RASSF5: variants seen among roughly 807,000 people sequenced by gnomAD.
RASSF5 encodes the protein Ras association domain family member 5.
Under a neutral mutation model 40.5 loss-of-function variants are expected in RASSF5, and 25 were observed. The observed-to-expected ratio is 0.62, with a 90% CI of 0.45 to 0.86. The LOEUF (loss-of-function observed/expected upper bound fraction) is 0.86. Ranked by LOEUF, RASSF5 falls within the 40% of genes least tolerant of loss-of-function variation. The pLI, the probability that RASSF5 is intolerant of heterozygous loss-of-function variation, is 0.00. For synonymous variants in RASSF5, 246 were observed against 252.4 expected (o/e 0.97, Z 0.24); for missense variants, 521 against 572.8 (o/e 0.91, Z 0.92).
chr1:206,553,233 A>T (rs188700146), intron 2 of RASSF5, among the ~76,000 whole-genome samples: 3 of 152,274 alleles, frequency 2.0e-5, no homozygotes, highest in Non-Finnish European at 4.4e-5. Context: ...GGGCTCAGTA[A>T]ATATTTGCTA....
At chr1:206,509,657 C>T (rs1553394357) in intron 1 of RASSF5, among the ~76,000 whole-genome samples, 1 of 151,874 alleles carries the variant, frequency 6.6e-6, no homozygotes, top group Non-Finnish European at 1.5e-5. Flanking sequence ...CGTTGGCATT[C>T]TAGTTTGTAG....
In RASSF5 at chr1:206,531,066, C is replaced by G. The variant is rs1167114259; in HGVS notation, c.458-7106C>G. On this transcript the variant is annotated intron_variant, in intron 1 of 5. Coordinates refer to ENST00000579436, the MANE Select transcript of RASSF5 (RefSeq NM_182663.4). This position sits in a 1 kb window ranked among gnomAD's most constrained non-coding sequence, Gnocchi z 4.7. ...TGTGTTGTTATTTACATAACATTCT[C>G]ATTTGATTCTCAACAACCGTACTGC... 1.3e-5 allele frequency among the ~76,000 whole-genome samples: 2 copies of G among 152,240 alleles called. No homozygotes were observed. The highest frequency in any genetic ancestry group is 2.9e-5 in the Non-Finnish European group (2 of 68,048).
chr1:206,545,657 T>A (rs1169734741), intron 2 of RASSF5, among the ~76,000 whole-genome samples: 1 of 152,212 alleles, frequency 6.6e-6, no homozygotes, highest in Non-Finnish European at 1.5e-5. Flanking sequence ...TCTGCTTAGT[T>A]AATTGACCTG....
rs1669066676 is a variant in RASSF5, at chr1:206,585,295, G to A, written c.1104G>A (p.Glu368=). The change falls in exon 5 of 6, where the codon GAG becomes GAA. Residue 368 remains glutamate, a splice_region_variant and synonymous_variant. Coordinates refer to ENST00000579436, the MANE Select transcript of RASSF5 (RefSeq NM_182663.4). ...AGGAGAATGAAACTGGAGAGGTAGA[G>A]GTAGGTCTGGACCCATTGTGCAAAC... is the stretch of plus-strand genomic sequence containing the variant. ...VLKENETGEV[E]WDAFSIPELQ... is the part of the protein sequence containing the mutation. 6.2e-7 allele frequency: 1 copy of A among 1,612,758 alleles called. No homozygotes were observed. Among genetic ancestry groups the A allele is most frequent in the Non-Finnish European group, 8.5e-7 (1 of 1,178,730 alleles).
At chr1:206,557,278 G>A (rs191830557) in intron 2 of RASSF5, 1 of 1,188,136 alleles carries the variant, frequency 8.4e-7, no homozygotes, top group East Asian at 4.3e-5. Flanking sequence ...AAACCGCAGA[G>A]CCCGGACGAG....
intron 1 of RASSF5, among the ~76,000 whole-genome samples, chr1:206,520,427 C>A (rs1031850466): frequency 7.2e-5 from 11 of 151,936 alleles, no homozygotes; most frequent in Admixed American, 5.2e-4. Flanking sequence ...GCTAACATGG[C>A]GAAACCCCGT....
At chr1:206,565,185 C>G (rs1338872988) in intron 2 of RASSF5, among the ~76,000 whole-genome samples, 2 of 152,174 alleles carry the variant, frequency 1.3e-5, no homozygotes, top group African/African-American at 4.8e-5. Context: ...TCTATTCACC[C>G]CATCTGTCCC....
chr1:206,574,578 T>C (rs1288936182), intron 2 of RASSF5, among the ~76,000 whole-genome samples: 6 of 152,188 alleles, frequency 3.9e-5, no homozygotes, highest in South Asian at 4.1e-4. Context: ...AAATTCCACA[T>C]GGAGCAGAAG....
In RASSF5 at chr1:206,525,964, G is replaced by T. The variant is rs573991312; in HGVS notation, c.458-12208G>T. ...TTTCCTGTGCCTCAGTTCAGCAGAG[G>T]CTCCCAGCTTCACCCCACCTGTCCA... On this transcript the variant is annotated intron_variant, in intron 1 of 5. Transcript: ENST00000579436. Among the ~76,000 whole-genome samples the T allele has an allele frequency of 7.2e-5, 11 of 152,188 alleles. No homozygotes were observed. In the East Asian group the frequency reaches 2.1e-3, roughly 29 times the overall value.
chr1:206,550,189 C>T (rs781909669), intron 2 of RASSF5, among the ~76,000 whole-genome samples: 1 of 152,096 alleles, frequency 6.6e-6, no homozygotes, highest in Non-Finnish European at 1.5e-5. Flanking sequence ...TTCCTCATTA[C>T]CTGATAGCCA....
At chr1:206,583,961 T>C (rs1026889522) in intron 3 of RASSF5, among the ~76,000 whole-genome samples, 2 of 152,158 alleles carry the variant, frequency 1.3e-5, no homozygotes, top group Non-Finnish European at 2.9e-5. Flanking sequence ...GGCTGTTTCT[T>C]AGTAAAGAGA....
chr1:206,588,178 C>G lies in RASSF5; in HGVS notation c.*1200C>G, dbSNP rs1669203291. The G allele has an allele frequency of 6.5e-6, 1 of 152,880 alleles. No individual in the cohort carries two copies. Among genetic ancestry groups the G allele is most frequent in the African/African-American group, 2.4e-5 (1 of 41,472 alleles). 9.5% of individuals were successfully genotyped at this position (152,880 alleles called of 1,614,324 possible). On this transcript the variant is annotated 3_prime_UTR_variant, in exon 6 of 6. Transcript: ENST00000579436. ...AGGAGTAGGGCGAGTTTGCCTGAAG[C>G]TCTGCTGCTGGCTTCTCCTGCCAGG...
chr1:206,531,921 G>A lies in RASSF5; in HGVS notation c.458-6251G>A, dbSNP rs939314379. Among the ~76,000 whole-genome samples the A allele has an allele frequency of 3.3e-5, 5 of 152,022 alleles. No individual in the cohort carries two copies. Among genetic ancestry groups the A allele is most frequent in the Middle Eastern group, 3.4e-3 (1 of 294 alleles). The stretch of plus-strand genomic sequence containing the variant: ...ACAAAAATTAGCCAGGCATGGTGGC[G>A]GGTGCCTGTAATGCCAGCTGCTTGG... On this transcript the variant is annotated intron_variant, in intron 1 of 5. Coordinates refer to ENST00000579436, the MANE Select transcript of RASSF5 (RefSeq NM_182663.4). This position sits in a 1 kb window ranked among gnomAD's most constrained non-coding sequence, Gnocchi z 4.7.
At chr1:206,549,607 C>G (rs1667781667) in intron 2 of RASSF5, among the ~76,000 whole-genome samples, 1 of 152,192 alleles carries the variant, frequency 6.6e-6, no homozygotes, top group South Asian at 2.1e-4. Flanking sequence ...CCACTGCACC[C>G]AGCCCTGTGG....
At chr1:206,563,259 A>G (rs1479863713) in intron 2 of RASSF5, among the ~76,000 whole-genome samples, 1 of 152,162 alleles carries the variant, frequency 6.6e-6, no homozygotes, top group Non-Finnish European at 1.5e-5. Flanking sequence ...AAAAGGAAGC[A>G]GGTTGTGGTG....
intron 2 of RASSF5, 53 bp downstream of exon 2, chr1:206,538,346 G>A (rs529116040): frequency 1.1e-5 from 18 of 1,601,928 alleles, no homozygotes; most frequent in East Asian, 4.5e-5. Flanking sequence ...CAGGTGCCCC[G>A]GGCTCCACTT....
Position 206,584,366 on chromosome 1 carries a change from G to A in RASSF5, c.691-21G>A, listed in dbSNP as rs781785597. 1.3e-6 allele frequency: 2 copies of A among 1,596,086 alleles called. No individual in the cohort carries two copies. Among genetic ancestry groups the A allele is most frequent in the East Asian group, 4.5e-5 (2 of 44,774 alleles). On this transcript the variant is annotated intron_variant, in intron 3 of 5. Transcript: ENST00000579436. The surrounding 1 kb of genome is among the most constrained non-coding windows in gnomAD (Gnocchi z 4.9). ...GCAAGGCGGACGGCCCTGACCCCCT[G>A]TGACATGCCCCCGCTGGCAGAGTGA... is the stretch of plus-strand genomic sequence containing the variant.
intron 2 of RASSF5, among the ~76,000 whole-genome samples, chr1:206,550,161 G>C (rs915802885): frequency 2.0e-5 from 3 of 152,076 alleles, no homozygotes; most frequent in Non-Finnish European, 4.4e-5. Context: ...TTTGTTTCCT[G>C]TGTCTCGGGG....
intron 2 of RASSF5, among the ~76,000 whole-genome samples, chr1:206,549,462 A>G (rs183974414): frequency 1.1e-3 from 167 of 152,042 alleles, no homozygotes; most frequent in African/African-American, 3.8e-3. Flanking sequence ...TCTTTGACCA[A>G]TGCTAATATC....
Sources: gnomAD v4.1 joint callset for allele counts (sites outside exome capture counted in the v4.1 genomes callset) on GRCh38, gnomAD v4.1.1 for gene constraint, Gnocchi (gnomAD v3.1) non-coding constraint, MANE v1.5 for transcripts, NCBI Gene and HGNC (gene_info 2026-07-23, HGNC 2026-07-21) for gene names.